The following EPN2 variants were observed in gnomAD, a reference collection of about 807,000 sequenced individuals.
The protein encoded by EPN2 is epsin 2.
A neutral mutation model predicts 61.7 loss-of-function variants in EPN2; 34 were observed. That is an observed-to-expected ratio of 0.55 (90% CI 0.42 to 0.73). The LOEUF is 0.73. Among genes scored for constraint, EPN2 ranks in the 30% least tolerant of loss-of-function variants. EPN2 has a pLI of 0.00. For missense variants in EPN2, 714 were observed against 839.2 expected, an observed-to-expected ratio of 0.85 and a Z score of 1.84; for synonymous variants, 349 against 353.6, an observed-to-expected ratio of 0.99 and a Z score of 0.15.
At position 19,285,710 on chromosome 17, in the gene EPN2, T is replaced by C; in HGVS notation, c.686T>C (p.Phe229Ser). The C allele has an allele frequency of 1.2e-6, 2 of 1,602,850 alleles. No homozygotes were observed. The highest frequency in any genetic ancestry group is 1.7e-6 in the Non-Finnish European group (2 of 1,176,050). Residue 229 changes from phenylalanine (F) to serine (S), a missense_variant, in exon 4 of 11, where the codon TTC becomes TCC. Around this residue, in one of 2 missense-constraint regions of EPN2, gnomAD observed 304 missense variants for 417.4 expected, o/e 0.73. Coordinates refer to ENST00000314728, the MANE Select transcript of EPN2 (RefSeq NM_014964.5). This position sits in a 1 kb window ranked among gnomAD's most constrained non-coding sequence, Gnocchi z 4.5. ...ELQPLSQRHPFLPHLGLASRP... is the reference protein window; with the variant it reads ...ELQPLSQRHPSLPHLGLASRP... ...CAGCCACTGAGCCAGCGCCACCCCT[T>C]CCTGCCGCACCTGGGGCTGGCCTCC...
At chr17:19,286,449 C>T (rs955015093) in intron 4 of EPN2, among the ~76,000 whole-genome samples, 1 of 152,162 alleles carries the variant, frequency 6.6e-6, no homozygotes, top group Non-Finnish European at 1.5e-5. Flanking sequence ...GTATCCTGAT[C>T]AGAGCCTTAC....
chr17:19,326,750 G>T (rs983387979), intron 7 of EPN2, among the ~76,000 whole-genome samples: 1 of 147,284 alleles, frequency 6.8e-6, no homozygotes, highest in African/African-American at 2.5e-5. Flanking sequence ...CCAGTAATAA[G>T]CCCACAAAGA....
rs111712099 is a variant in EPN2 at position 19,328,805 on chromosome 17, A to G, written c.1242A>G (p.Ser414=). The G allele has an allele frequency of 2.0e-5, 33 of 1,613,524 alleles. No homozygotes were observed. In the African/African-American group the frequency reaches 3.7e-4, roughly 18 times the overall value. The change falls in exon 8 of 11, where the codon TCA becomes TCG. Residue 414 remains serine (S), a synonymous_variant. Coordinates refer to ENST00000314728, the MANE Select transcript of EPN2 (RefSeq NM_014964.5). The part of the protein sequence containing the change: ...VPKNSDPWAA[S]QQPASSAGKR... ...AGAACTCGGACCCCTGGGCAGCTTC[A>G]CAGCAGCCTGCCTCCAGTGCTGGGA... is the stretch of plus-strand genomic sequence containing the variant.
intron 1 of EPN2, among the ~76,000 whole-genome samples, chr17:19,256,007 A>T (rs968020290): frequency 1.3e-5 from 2 of 151,768 alleles, no homozygotes; most frequent in Non-Finnish European, 2.9e-5. Flanking sequence ...GCGCGATCTC[A>T]GCTCACTGCA....
chr17:19,262,601 C>A (rs905640840), intron 1 of EPN2, among the ~76,000 whole-genome samples: 2 of 151,946 alleles, frequency 1.3e-5, no homozygotes, highest in Admixed American at 6.6e-5. Context: ...CAAAAGCAAC[C>A]CTGTACCCAT....
chr17:19,250,104 T>C (rs4273100), intron 1 of EPN2, among the ~76,000 whole-genome samples: 15,012 of 152,006 alleles, frequency 0.099, 1,450 homozygotes, highest in East Asian at 0.51. Context: ...GAATTTTTTT[T>C]TTTTTTTCAG....
chr17:19,254,313 C>T (rs535662799), intron 1 of EPN2, among the ~76,000 whole-genome samples: 4 of 151,728 alleles, frequency 2.6e-5, no homozygotes, highest in East Asian at 3.9e-4. Flanking sequence ...AGGCCAAGGC[C>T]GGTGGATTAC....
At chr17:19,301,044 T>C (rs1049622213) in intron 4 of EPN2, among the ~76,000 whole-genome samples, 2 of 151,888 alleles carry the variant, frequency 1.3e-5, no homozygotes, top group African/African-American at 4.8e-5. Flanking sequence ...GCATACACAG[T>C]GTGAGGGAGC....
intron 4 of EPN2, among the ~76,000 whole-genome samples, chr17:19,294,526 TTG>T (rs2045496222): frequency 6.6e-6 from 1 of 152,232 alleles, no homozygotes; most frequent in Admixed American, 6.5e-5. Flanking sequence ...TAAGGATCCT[TTG>T]TAGTATAGGT....
chr17:19,261,390 G>T (rs1478245651), intron 1 of EPN2, among the ~76,000 whole-genome samples: 2 of 152,220 alleles, frequency 1.3e-5, no homozygotes, highest in Non-Finnish European at 2.9e-5. Context: ...ATAGTTTTCT[G>T]TGGACAGTTC....
rs58087532 is a variant in EPN2, at chr17:19,289,724, G to GTTTTTTTTTTTTTTTTTTTTTTTT, written c.766+3954_766+3955insTTTTTTTTTTTTTTTTTTTTTTTT. On this transcript the variant is annotated intron_variant, in intron 4 of 10. Transcript: ENST00000314728. Reference sequence around the variant, plus strand: ...TGTTCGGCCTCACCTGGCGCTCATGGTTTTTTTTTTTTTTTTTTTTGAGAT... The same window carrying GTTTTTTTTTTTTTTTTTTTTTTTT: ...TGTTCGGCCTCACCTGGCGCTCATGGTTTTTTTTTTTTTTTTTTTTTTTTTTTTTTTTTTTTTTTTTTTTGAGAT... 5.5e-4 allele frequency among the ~76,000 whole-genome samples: 43 copies of GTTTTTTTTTTTTTTTTTTTTTTTT among 78,048 alleles called. 8 individuals carry two copies. The highest frequency in any genetic ancestry group is 1.0e-3 in the African/African-American group (21 of 20,908). The allele number at this position is 78,048 out of a possible 152,430, so 51.2% of individuals were successfully genotyped here. A position where few individuals can be genotyped will look rare whatever the true frequency, so the allele number is the denominator to read the frequency against.
chr17:19,334,866 G>A lies in EPN2; in HGVS notation c.*612G>A, dbSNP rs78237605. ...GCTTGTGTACCTTTGCACATATTTT[G>A]TTTAGTACAGTTTCATATTTGAGTT... On this transcript the variant is annotated 3_prime_UTR_variant, in exon 11 of 11. Transcript: ENST00000314728. This position sits in a 1 kb window ranked among gnomAD's most constrained non-coding sequence, Gnocchi z 4.9. The A allele has an allele frequency of 6.5e-3, 992 of 153,434 alleles. 53 individuals are homozygous for A. In the East Asian group the frequency reaches 0.12, roughly 18 times the overall value. 9.5% of individuals were successfully genotyped at this position (153,434 alleles called of 1,614,324 possible).
intron 1 of EPN2, among the ~76,000 whole-genome samples, chr17:19,239,844 C>T (rs997096896): frequency 1.3e-5 from 2 of 152,156 alleles, no homozygotes; most frequent in African/African-American, 4.8e-5. Flanking sequence ...TATCTAGCAT[C>T]GTGTATGCAG....
At chr17:19,329,891 C>T (rs1385302562) in intron 9 of EPN2, among the ~76,000 whole-genome samples, 1 of 152,224 alleles carries the variant, frequency 6.6e-6, no homozygotes, top group Non-Finnish European at 1.5e-5. Flanking sequence ...GATTCCACAG[C>T]CCCGGCCTCC....
intron 1 of EPN2, among the ~76,000 whole-genome samples, chr17:19,263,053 C>T (rs968633756): frequency 2.6e-5 from 4 of 152,208 alleles, no homozygotes; most frequent in African/African-American, 9.6e-5. Context: ...GTACATGAGT[C>T]CCTGTGTAGA....
chr17:19,312,063 C>T lies in EPN2; in HGVS notation c.891C>T (p.Leu297=). 6.2e-7 allele frequency: 1 copy of T among 1,613,408 alleles called. No individual in the cohort carries two copies. The highest frequency in any genetic ancestry group is 8.5e-7 in the Non-Finnish European group (1 of 1,179,300). Residue 297 remains leucine, a synonymous_variant, in exon 6 of 11, where the codon CTC becomes CTT. Transcript: ENST00000314728. ...TTGTCCCTCTACAGGAAGAACGCCT[C>T]AGGCGGGGTGATGACCTCAGATTAC... ...SREVAEQEER[L]RRGDDLRLQM... is the part of the protein sequence containing the mutation.
In EPN2 at chr17:19,309,920, GC is replaced by G; in HGVS notation, c.805del (p.Arg269GlyfsTer18). ...SPRVSSELEQ[A>X]RPQTSGEEEL... The stretch of plus-strand genomic sequence containing the variant: ...GCGAGTGTCCTCCGAGCTGGAGCAA[GC>G]CCGGCCCCAGACTAGTGGAGAAGAG... On this transcript the variant is annotated frameshift_variant, in exon 5 of 11. Coordinates refer to ENST00000314728, the MANE Select transcript of EPN2 (RefSeq NM_014964.5). LOFTEE classifies it high-confidence loss of function. The G allele has an allele frequency of 6.2e-7, 1 of 1,609,224 alleles. No homozygotes were observed.
chr17:19,267,693 T>C (rs4924966), intron 1 of EPN2, among the ~76,000 whole-genome samples: 6,083 of 152,044 alleles, frequency 0.04, 518 homozygotes, highest in East Asian at 0.27. Flanking sequence ...CAGGTGCGCA[T>C]TACCACACCC....
chr17:19,271,039 G>T (rs2045247661), intron 1 of EPN2, among the ~76,000 whole-genome samples: 1 of 152,156 alleles, frequency 6.6e-6, no homozygotes, highest in South Asian at 2.1e-4. Flanking sequence ...GAGATAATGG[G>T]TATCTTTAAC....
Sources: gnomAD v4.1 joint callset for allele counts (sites outside exome capture counted in the v4.1 genomes callset) on GRCh38, gnomAD v4.1.1 for gene constraint, gnomAD v4.1.1 regional missense constraint, Gnocchi (gnomAD v3.1) non-coding constraint, MANE v1.5 for transcripts, NCBI Gene and HGNC (gene_info 2026-07-23, HGNC 2026-07-21) for gene names.